RUNX1: variants seen among roughly 807,000 people sequenced by gnomAD.
RUNX1 encodes the protein RUNX family transcription factor 1, also known as runt-related transcription factor 1.
In RUNX1, 19 loss-of-function variants were observed where a neutral mutation model predicts 42.8. The ratio of observed to expected loss-of-function variants is 0.44; its 90% CI spans 0.31 to 0.65. RUNX1 has a LOEUF of 0.65. RUNX1 is among the 30% of genes least tolerant of loss of function. RUNX1 has a pLI of 0.07. For synonymous variants in RUNX1, 271 were observed against 289.4 expected (o/e 0.94, Z 0.64); for missense variants, 528 against 672.0 (o/e 0.79, Z 2.37).
intron 8 of RUNX1, among the ~76,000 whole-genome samples, chr21:34,794,009 A>C (rs1291399827): frequency 2.6e-5 from 4 of 152,060 alleles, no homozygotes; most frequent in Admixed American, 6.6e-5. Context: ...CAGCCCTAAA[A>C]TATTTATTCT....
chr21:34,844,025 A>G (rs916938184), intron 6 of RUNX1, among the ~76,000 whole-genome samples: 4 of 152,098 alleles, frequency 2.6e-5, no homozygotes, highest in Non-Finnish European at 4.4e-5. Context: ...TTCTTCTTCT[A>G]CCAGCCTATA....
At chr21:34,890,601 C>T (rs76056678) in intron 3 of RUNX1, among the ~76,000 whole-genome samples, 2,742 of 152,302 alleles carry the variant, frequency 0.018, 35 homozygotes, top group Non-Finnish European at 0.026. Flanking sequence ...TCCGCCTCCG[C>T]TCCCCCTGGG....
At chr21:34,985,525 G>A (rs2058879285) in intron 2 of RUNX1, among the ~76,000 whole-genome samples, 1 of 152,170 alleles carries the variant, frequency 6.6e-6, no homozygotes, top group African/African-American at 2.4e-5. Context: ...TTCTCTGAAA[G>A]CTCTCAGCCC....
intron 2 of RUNX1, among the ~76,000 whole-genome samples, chr21:34,920,003 C>T (rs1325613761): frequency 6.6e-6 from 1 of 152,200 alleles, no homozygotes; most frequent in East Asian, 1.9e-4. Context: ...CAGCAAAAGC[C>T]TCTTCCTTTC....
chr21:34,956,529 A>C (rs961951693), intron 2 of RUNX1, among the ~76,000 whole-genome samples: 1 of 152,192 alleles, frequency 6.6e-6, no homozygotes, highest in Non-Finnish European at 1.5e-5. Flanking sequence ...TAAAAAACAC[A>C]GTGACTGGGC....
chr21:34,891,141 C>A (rs2058076808), intron 3 of RUNX1, among the ~76,000 whole-genome samples: 1 of 152,212 alleles, frequency 6.6e-6, no homozygotes, highest in Admixed American at 6.5e-5. Context: ...ACTCGGGCTG[C>A]GGTCTCCCAG....
intron 2 of RUNX1, among the ~76,000 whole-genome samples, chr21:35,016,540 C>G (rs1315472737): frequency 1.3e-5 from 2 of 152,142 alleles, no homozygotes; most frequent in African/African-American, 4.8e-5. Flanking sequence ...GAAGCAGCAT[C>G]CTCTCCCTTT....
At chr21:34,838,226 A>G (rs927506497) in intron 6 of RUNX1, among the ~76,000 whole-genome samples, 6 of 152,200 alleles carry the variant, frequency 3.9e-5, no homozygotes, top group Non-Finnish European at 8.8e-5. Context: ...CTGTGGCTGT[A>G]AGTAACATAA....
chr21:34,821,963 G>A (rs757847914), intron 7 of RUNX1, among the ~76,000 whole-genome samples: 22 of 152,150 alleles, frequency 1.4e-4, no homozygotes, highest in African/African-American at 2.4e-4. Flanking sequence ...TCTGGGCAAC[G>A]GCTTCTCTCA....
At chr21:34,803,052 A>C (rs1320610952) in intron 7 of RUNX1, among the ~76,000 whole-genome samples, 1 of 152,192 alleles carries the variant, frequency 6.6e-6, no homozygotes, top group East Asian at 1.9e-4. Flanking sequence ...GAGACCACAC[A>C]CATTTGCTCC....
At chr21:34,803,726 C>T (rs1157015354) in intron 7 of RUNX1, among the ~76,000 whole-genome samples, 2 of 152,146 alleles carry the variant, frequency 1.3e-5, no homozygotes, top group African/African-American at 4.8e-5. Context: ...AGGCCTTCTA[C>T]TCCTTGATCC....
intron 2 of RUNX1, among the ~76,000 whole-genome samples, chr21:34,986,976 G>A (rs1312191526): frequency 6.6e-6 from 1 of 152,200 alleles, no homozygotes; most frequent in Non-Finnish European, 1.5e-5. Flanking sequence ...CCTGAAGCCA[G>A]TCCCAATGGG....
intron 2 of RUNX1, among the ~76,000 whole-genome samples, chr21:34,909,660 G>A (rs1486176525): frequency 1.2e-4 from 1 of 8,452 alleles, no homozygotes. Flanking sequence ...CTCTTCAGCT[G>A]AGTCTGGAAG....
intron 2 of RUNX1, among the ~76,000 whole-genome samples, chr21:35,015,079 C>A (rs562739425): frequency 6.6e-6 from 1 of 152,202 alleles, no homozygotes; most frequent in African/African-American, 2.4e-5. Flanking sequence ...GAGGCAGCAA[C>A]GTGGAGTGAA....
intron 2 of RUNX1, among the ~76,000 whole-genome samples, chr21:34,972,424 A>G (rs1185219532): frequency 6.6e-6 from 1 of 152,186 alleles, no homozygotes; most frequent in African/African-American, 2.4e-5. Flanking sequence ...CTCATTATCT[A>G]CTCAAAGAAA....
At chr21:34,996,080 G>A (rs1446132054) in intron 2 of RUNX1, among the ~76,000 whole-genome samples, 1 of 152,164 alleles carries the variant, frequency 6.6e-6, no homozygotes, top group Non-Finnish European at 1.5e-5. Flanking sequence ...TCTGCAGCCT[G>A]TGGACAGGTG....
At chr21:34,989,121 G>A (rs2146821430) in intron 2 of RUNX1, among the ~76,000 whole-genome samples, 2 of 151,832 alleles carry the variant, frequency 1.3e-5, no homozygotes, top group Middle Eastern at 6.8e-3. Flanking sequence ...CGATTCTCCT[G>A]CCTCAATCTC....
chr21:35,049,002 C>T, intron 1 of RUNX1, 44 bp from the exon 2 acceptor site: 1 of 924,538 alleles, frequency 1.1e-6, no homozygotes, highest in South Asian at 1.3e-5. Context: ...CAGCCTCACC[C>T]CTCTAGCCCT....
At chr21:34,980,613 C>T (rs2058839724) in intron 2 of RUNX1, among the ~76,000 whole-genome samples, 2 of 152,130 alleles carry the variant, frequency 1.3e-5, no homozygotes, top group East Asian at 1.9e-4. Context: ...TTAAAATGAC[C>T]TCTGCTATCC....
Sources: gnomAD v4.1 joint callset for allele counts (sites outside exome capture counted in the v4.1 genomes callset) on GRCh38, gnomAD v4.1.1 for gene constraint, MANE v1.5 for transcripts, NCBI Gene and HGNC (gene_info 2026-07-23, HGNC 2026-07-21) for gene names.